The following DLGAP1 variants were observed in gnomAD, a reference collection of about 807,000 sequenced individuals.
The protein encoded by DLGAP1 is DLG associated protein 1, also known as disks large-associated protein 1.
A neutral mutation model predicts 90.8 loss-of-function variants in DLGAP1; 11 were observed. The ratio of observed to expected loss-of-function variants is 0.12; its 90% confidence interval spans 0.08 to 0.20. The LOEUF (loss-of-function observed/expected upper bound fraction) is 0.20. Ranked by LOEUF, DLGAP1 falls within the 10% of genes least tolerant of loss-of-function variation. DLGAP1 has a pLI of 1.00. For missense variants in DLGAP1, 1,050 were observed against 1,333.8 expected (o/e 0.79, Z 3.31); for synonymous variants, 558 against 540.7 (o/e 1.03, Z -0.44).
chr18:4,096,709 C>T (rs560043660), intron 2 of DLGAP1, among the ~76,000 whole-genome samples: 22 of 152,268 alleles, frequency 1.4e-4, no homozygotes, highest in African/African-American at 4.1e-4. Context: ...ACAACCTTCT[C>T]GTGACGTGAC....
intron 2 of DLGAP1, among the ~76,000 whole-genome samples, chr18:4,040,680 C>T (rs970730589): frequency 9.9e-5 from 15 of 152,078 alleles, no homozygotes; most frequent in African/African-American, 2.9e-4. Flanking sequence ...ATAAGTGGTG[C>T]TCATGGCAAA....
At chr18:4,295,459 T>C (rs567679086) in intron 1 of DLGAP1, 3 of 152,318 alleles carry the variant, frequency 2.0e-5, no homozygotes, top group African/African-American at 7.2e-5. Flanking sequence ...CAGGGCACAA[T>C]GTCTAGCACT....
chr18:4,218,635 A>G (rs1186667860), intron 1 of DLGAP1, among the ~76,000 whole-genome samples: 3 of 151,914 alleles, frequency 2.0e-5, no homozygotes, highest in Admixed American at 2.0e-4. Context: ...GTCCCACCCC[A>G]GCTTCTGATA....
At chr18:4,297,479 T>C (rs375769055) in intron 1 of DLGAP1, among the ~76,000 whole-genome samples, 1 of 152,200 alleles carries the variant, frequency 6.6e-6, no homozygotes, top group Non-Finnish European at 1.5e-5. Flanking sequence ...ATAGCTGACA[T>C]TGTAACATAT....
At chr18:4,357,084 C>T (rs950999998) in intron 1 of DLGAP1, among the ~76,000 whole-genome samples, 8 of 47,436 alleles carry the variant, frequency 1.7e-4, no homozygotes, top group Admixed American at 8.8e-4. Flanking sequence ...TGTGTATATA[C>T]GTGTGCGTGT....
At chr18:3,563,577 C>G (rs960959352) in intron 9 of DLGAP1, among the ~76,000 whole-genome samples, 1 of 151,970 alleles carries the variant, frequency 6.6e-6, no homozygotes, top group Non-Finnish European at 1.5e-5. Context: ...TCAAGCAATT[C>G]TCCTACCTCA....
chr18:3,600,565 TA>T (rs1161639672), intron 7 of DLGAP1, among the ~76,000 whole-genome samples: 1 of 151,094 alleles, frequency 6.6e-6, no homozygotes, highest in Non-Finnish European at 1.5e-5. Flanking sequence ...GTTTTTATTA[TA>T]ATTGTAGTAA....
chr18:4,104,312 A>G (rs1273289051), intron 2 of DLGAP1, among the ~76,000 whole-genome samples: 2 of 152,134 alleles, frequency 1.3e-5, no homozygotes, highest in Non-Finnish European at 2.9e-5. Context: ...TTGAAAGCTA[A>G]TAGTTGTGTC....
chr18:4,046,175 G>T (rs936597557), intron 2 of DLGAP1, among the ~76,000 whole-genome samples: 1 of 152,168 alleles, frequency 6.6e-6, no homozygotes, highest in Non-Finnish European at 1.5e-5. Flanking sequence ...CAATTCTGAT[G>T]AACAAAATCG....
intron 4 of DLGAP1, among the ~76,000 whole-genome samples, chr18:3,862,205 A>ACTGAAC (rs1197307446): frequency 3.3e-5 from 5 of 152,164 alleles, no homozygotes; most frequent in Non-Finnish European, 5.9e-5. Flanking sequence ...TAACACGTAA[A>ACTGAAC]CTGAACCTGT....
At chr18:4,324,818 C>G (rs1251938753) in intron 1 of DLGAP1, among the ~76,000 whole-genome samples, 1 of 136,100 alleles carries the variant, frequency 7.3e-6, no homozygotes, top group East Asian at 2.1e-4. Flanking sequence ...ATTCAACATC[C>G]TTTCATATTA....
Position 3,639,908 on chromosome 18 carries a change from C to A in DLGAP1, c.1592-57660G>T, listed in dbSNP as rs762389848. Among the ~76,000 whole-genome samples the A allele has an allele frequency of 2.4e-4, 35 of 146,002 alleles. No individual in the cohort carries two copies. In the South Asian group the frequency reaches 3.2e-3, roughly 13 times the overall value. ...CAGCTGGGACTACAGGCGCCCGCCA[C>A]CACACCCGGCTAATTTTTTGTATTT... On this transcript the variant is annotated intron_variant, in intron 7 of 12. Transcript: ENST00000315677.
At position 3,991,604 on chromosome 18, in the gene DLGAP1, A is replaced by C. The variant is rs1339494199; in HGVS notation, c.-73+13512T>G. Among the ~76,000 whole-genome samples, 3 of 152,160 alleles carry C rather than the reference A, an allele frequency of 2.0e-5. No individual in the cohort carries two copies. In the East Asian group the frequency reaches 5.8e-4, roughly 29 times the overall value. ...CCAAGCAGCCTGAAGAATCACAGAG[A>C]TACTTTCTGGTTGGTATTGCCCTTC... On this transcript the variant is annotated intron_variant, in intron 3 of 12. Transcript: ENST00000315677.
At chr18:4,014,667 A>G (rs1469531445) in intron 2 of DLGAP1, among the ~76,000 whole-genome samples, 1 of 152,242 alleles carries the variant, frequency 6.6e-6, no homozygotes, top group Admixed American at 6.5e-5. Context: ...TCCCCCCAAA[A>G]TATGTACAAC....
At chr18:4,130,672 A>T (rs1355994289) in intron 2 of DLGAP1, among the ~76,000 whole-genome samples, 1 of 152,128 alleles carries the variant, frequency 6.6e-6, no homozygotes, top group African/African-American at 2.4e-5. Flanking sequence ...TCGCACACAC[A>T]TACACACAGA....
chr18:3,633,401 CA>C (rs60320308), intron 7 of DLGAP1, among the ~76,000 whole-genome samples: 5,434 of 61,986 alleles, frequency 0.088, 229 homozygotes, highest in East Asian at 0.27. Flanking sequence ...GACTTCATCT[CA>C]AAAAAAAAAA....
chr18:4,196,797 G>A (rs2077505881), intron 1 of DLGAP1, among the ~76,000 whole-genome samples: 1 of 152,090 alleles, frequency 6.6e-6, no homozygotes, highest in Admixed American at 6.5e-5. Context: ...TGTTGTATAT[G>A]TACACATTTT....
intron 4 of DLGAP1, among the ~76,000 whole-genome samples, chr18:3,852,618 A>T (rs544330787): frequency 5.9e-5 from 9 of 152,316 alleles, no homozygotes; most frequent in African/African-American, 2.2e-4. Flanking sequence ...CATGACAGGA[A>T]GTTCCTGTTG....
chr18:4,196,166 C>A (rs1232521618), intron 1 of DLGAP1, among the ~76,000 whole-genome samples: 2 of 152,122 alleles, frequency 1.3e-5, no homozygotes, highest in Non-Finnish European at 2.9e-5. Context: ...GTGAAAGGGA[C>A]AGGCAGGGTG....
Sources: gnomAD v4.1 joint callset for allele counts (sites outside exome capture counted in the v4.1 genomes callset) on GRCh38, gnomAD v4.1.1 for gene constraint, MANE v1.5 for transcripts, NCBI Gene and HGNC (gene_info 2026-07-23, HGNC 2026-07-21) for gene names.